The following DCAF6 variants were observed in gnomAD, a reference collection of about 807,000 sequenced individuals.
DCAF6 encodes DDB1 and CUL4 associated factor 6, also known as DDB1- and CUL4-associated factor 6.
In DCAF6, 54 loss-of-function variants were observed where a neutral mutation model predicts 125.1. That is an observed-to-expected ratio of 0.43 (90% CI 0.35 to 0.54). DCAF6 has a LOEUF of 0.54. Among genes scored for constraint, DCAF6 ranks in the 20% least tolerant of loss-of-function variants. The pLI, the probability that DCAF6 is intolerant of heterozygous loss-of-function variation, is 0.01. For missense variants in DCAF6, 934 were observed against 1,161.7 expected, an observed-to-expected ratio of 0.80 and a Z score of 2.85; for synonymous variants, 371 against 390.4, an observed-to-expected ratio of 0.95 and a Z score of 0.58.
At chr1:167,982,076 T>G (rs1008426222) in intron 4 of DCAF6, among the ~76,000 whole-genome samples, 5 of 152,244 alleles carry the variant, frequency 3.3e-5, no homozygotes, top group African/African-American at 1.2e-4. Flanking sequence ...CTCACTCATA[T>G]GAGATGGTAT....
chr1:167,993,537 G>T, intron 7 of DCAF6, 97 bp downstream of exon 7: 1 of 973,662 alleles, frequency 1.0e-6, no homozygotes, highest in Non-Finnish European at 1.6e-6. Flanking sequence ...ATCACCTGCG[G>T]TTGGGAGTTT....
the DCAF6 span, chr1:167,920,241 A>T: frequency 1.7e-6 from 1 of 603,706 alleles, no homozygotes; most frequent in Non-Finnish European, 2.9e-6. Context: ...TCTGTAACTT[A>T]GTGTCACAGA....
chr1:168,023,467 T>G (rs933547431), intron 12 of DCAF6: 1 of 172,290 alleles, frequency 5.8e-6, no homozygotes, highest in African/African-American at 2.4e-5. Flanking sequence ...TGATACTTGG[T>G]TTTATGTCTC....
At chr1:167,865,796 T>C in the DCAF6 span, among the ~76,000 whole-genome samples, 1 of 152,252 alleles carries the variant, frequency 6.6e-6, no homozygotes, top group Non-Finnish European at 1.5e-5. Flanking sequence ...TTGTTATGCT[T>C]GTGCACATGG....
chr1:167,975,040 A>T, intron 4 of DCAF6, 25 bp downstream of exon 4: 1 of 1,451,122 alleles, frequency 6.9e-7, no homozygotes. Flanking sequence ...TGATTATATG[A>T]TATATATGTA....
At chr1:168,049,608 A>C (rs1416966200) in intron 16 of DCAF6, among the ~76,000 whole-genome samples, 1 of 140,246 alleles carries the variant, frequency 7.1e-6, no homozygotes, top group Non-Finnish European at 1.5e-5. Context: ...GAATGAAAAG[A>C]GTGTGGTTGA....
chr1:168,021,733 T>A (rs903211793), intron 11 of DCAF6, among the ~76,000 whole-genome samples: 2 of 152,158 alleles, frequency 1.3e-5, no homozygotes, highest in African/African-American at 4.8e-5. Context: ...TTGATTGAAA[T>A]GGTACCACTA....
intron 11 of DCAF6, among the ~76,000 whole-genome samples, chr1:168,022,460 G>A (rs950579301): frequency 6.6e-6 from 1 of 152,144 alleles, no homozygotes; most frequent in Admixed American, 6.5e-5. Flanking sequence ...GCATGTTTCT[G>A]TAATGATAAT....
intron 12 of DCAF6, among the ~76,000 whole-genome samples, chr1:168,032,898 A>G (rs1687282662): frequency 6.6e-6 from 1 of 152,208 alleles, no homozygotes; most frequent in Non-Finnish European, 1.5e-5. Context: ...TACATATGAG[A>G]TAGATTCTCC....
At chr1:167,910,098 A>G in the DCAF6 span, among the ~76,000 whole-genome samples, 1 of 152,158 alleles carries the variant, frequency 6.6e-6, no homozygotes, top group African/African-American at 2.4e-5. Context: ...TTGAGATGCA[A>G]GTCTGCCAAT....
intron 2 of DCAF6, among the ~76,000 whole-genome samples, chr1:167,961,933 T>C (rs1196506977): frequency 6.6e-6 from 1 of 152,252 alleles, no homozygotes; most frequent in Non-Finnish European, 1.5e-5. Flanking sequence ...CAGAATCTTT[T>C]AAAATTTCTC....
At chr1:167,924,832 T>C in the DCAF6 span, among the ~76,000 whole-genome samples, 1 of 152,202 alleles carries the variant, frequency 6.6e-6, no homozygotes, top group Non-Finnish European at 1.5e-5. Context: ...TTGATTCTAA[T>C]GTACTTTCAT....
chr1:167,985,633 A>G (rs977644705), intron 4 of DCAF6, among the ~76,000 whole-genome samples: 3 of 152,150 alleles, frequency 2.0e-5, no homozygotes, highest in Admixed American at 2.0e-4. Context: ...TTTGCAGTAT[A>G]AGGTAAAGTA....
At chr1:168,001,486 GTGGAAAGATAGGAAATCAA>G (rs1296491731) in intron 7 of DCAF6, among the ~76,000 whole-genome samples, 5 of 152,120 alleles carry the variant, frequency 3.3e-5, no homozygotes, top group Admixed American at 2.6e-4. Flanking sequence ...AATGAAGTTA[GTGGAAAGATAGGAAATCAA>G]TGGAAAGATT....
At chr1:167,914,866 TACTTCCA>T in the DCAF6 span, among the ~76,000 whole-genome samples, 1 of 152,066 alleles carries the variant, frequency 6.6e-6, no homozygotes, top group Non-Finnish European at 1.5e-5. Context: ...GTTTACTGTG[TACTTCCA>T]AATGTTGTAA....
At chr1:167,921,947 G>A in the DCAF6 span, among the ~76,000 whole-genome samples, 1 of 152,134 alleles carries the variant, frequency 6.6e-6, no homozygotes, top group Non-Finnish European at 1.5e-5. Context: ...TTTATGATTA[G>A]TTATGTGGTT....
chr1:167,917,755 C>T, the DCAF6 span: 1 of 152,174 alleles, frequency 6.6e-6, no homozygotes, highest in Non-Finnish European at 1.5e-5. Context: ...TATGTTAAAA[C>T]ATTATCTCAT....
At chr1:167,909,958 AG>A in the DCAF6 span, among the ~76,000 whole-genome samples, 1 of 114,512 alleles carries the variant, frequency 8.7e-6, no homozygotes, top group Non-Finnish European at 1.7e-5. Flanking sequence ...TGAGGTTAAA[AG>A]ATTAACCCCC....
the DCAF6 span, chr1:167,904,478 A>AG: frequency 4.7e-6 from 1 of 213,138 alleles, no homozygotes; most frequent in South Asian, 1.0e-4. Flanking sequence ...CTATTATTTT[A>AG]GGGGTCAGGA....
Sources: allele counts gnomAD v4.1 joint callset (sites outside exome capture counted in the v4.1 genomes callset), GRCh38; gene constraint gnomAD v4.1.1; transcripts MANE v1.5; gene names NCBI Gene and HGNC (gene_info 2026-07-23, HGNC 2026-07-21).